The following SIPA1L3 variants were observed in gnomAD, a reference collection of about 807,000 sequenced individuals.
SIPA1L3 encodes the protein signal induced proliferation associated 1 like 3, also known as signal-induced proliferation-associated 1-like protein 3.
SIPA1L3 carries 59 observed loss-of-function variants against 150.1 expected under a neutral mutation model. The observed-to-expected ratio is 0.39, with a 90% confidence interval of 0.32 to 0.49. SIPA1L3 has a LOEUF of 0.49. Ranked by LOEUF, SIPA1L3 falls within the 20% of genes least tolerant of loss-of-function variation. SIPA1L3 has a pLI of 0.86. For synonymous variants in SIPA1L3, 1,070 were observed against 1,077.6 expected (o/e 0.99, Z 0.14); for missense variants, 2,211 against 2,489.5 (o/e 0.89, Z 2.38).
At chr19:38,030,746 T>G (rs1343475385) in intron 2 of SIPA1L3, among the ~76,000 whole-genome samples, 1 of 151,874 alleles carries the variant, frequency 6.6e-6, no homozygotes, top group African/African-American at 2.4e-5. Context: ...CATTCTCTCT[T>G]GTTTCTGTGG....
intron 1 of SIPA1L3, among the ~76,000 whole-genome samples, chr19:37,923,169 T>A (rs534828469): frequency 6.6e-4 from 99 of 149,216 alleles, no homozygotes; most frequent in Middle Eastern, 3.6e-3. Context: ...ACACGCACCG[T>A]GTCAGTTGGT....
At chr19:37,959,464 G>A (rs1400714768) in intron 1 of SIPA1L3, among the ~76,000 whole-genome samples, 1 of 152,192 alleles carries the variant, frequency 6.6e-6, no homozygotes, top group Non-Finnish European at 1.5e-5. Flanking sequence ...AATGTTCAGA[G>A]TAAGCAAATC....
intron 1 of SIPA1L3, among the ~76,000 whole-genome samples, chr19:37,927,459 G>T (rs1299604195): frequency 1.3e-5 from 2 of 151,830 alleles, no homozygotes; most frequent in African/African-American, 4.8e-5. Flanking sequence ...GCCCCCAGTA[G>T]GTAGATTTTC....
At chr19:38,041,433 C>T (rs1968919364) in intron 2 of SIPA1L3, among the ~76,000 whole-genome samples, 1 of 152,124 alleles carries the variant, frequency 6.6e-6, no homozygotes, top group African/African-American at 2.4e-5. Flanking sequence ...CGCACGCTAC[C>T]ATGCCCAGCT....
rs147169743 is a variant in SIPA1L3, at chr19:38,034,429, C to G, written c.-311+5273C>G. Among the ~76,000 whole-genome samples the G allele has an allele frequency of 5.9e-3, 889 of 150,494 alleles. 7 individuals are homozygous for G. Among genetic ancestry groups the G allele is most frequent in the African/African-American group, 0.021 (850 of 40,926 alleles). ...AGGCACGAGTGGTGAAGCTGCCTGC[C>G]AGGTAGAGGAGCTGGGACAGGGAGG... is the stretch of plus-strand genomic sequence containing the variant. On this transcript the variant is annotated intron_variant, in intron 2 of 21. Transcript: ENST00000222345.
At chr19:37,997,566 A>AT (rs1428715621) in intron 1 of SIPA1L3, among the ~76,000 whole-genome samples, 1 of 41,088 alleles carries the variant, frequency 2.4e-5, no homozygotes, top group Non-Finnish European at 4.4e-5. Context: ...AGACTGTCTC[A>AT]TTAAAAAAAA....
At chr19:38,182,096 G>A (rs1032489289) in intron 15 of SIPA1L3, among the ~76,000 whole-genome samples, 16 of 144,440 alleles carry the variant, frequency 1.1e-4, no homozygotes, top group Non-Finnish European at 2.2e-4. Context: ...AGCTGAGATC[G>A]CGCCACTGCA....
chr19:38,116,747 C>G (rs1223808964), intron 8 of SIPA1L3, among the ~76,000 whole-genome samples: 1 of 151,834 alleles, frequency 6.6e-6, no homozygotes, highest in Non-Finnish European at 1.5e-5. Flanking sequence ...CCAGTTACCC[C>G]AGAGACTGAG....
intron 15 of SIPA1L3, 147 bp from the exon 16 acceptor site, chr19:38,182,372 G>C (rs1030891110): frequency 1.5e-6 from 1 of 666,540 alleles, no homozygotes; most frequent in Non-Finnish European, 2.6e-6. Flanking sequence ...CGTCTATACT[G>C]TTGGAATTTT....
intron 15 of SIPA1L3, among the ~76,000 whole-genome samples, chr19:38,178,093 GTGTGTGT>G (rs1568594709): frequency 0.041 from 2,499 of 61,194 alleles, 46 homozygotes; most frequent in East Asian, 0.18. Context: ...TTTGGTGTGT[GTGTGTGT>G]GTGTGTGTGT....
chr19:37,980,859 G>A (rs1055655236), intron 1 of SIPA1L3, among the ~76,000 whole-genome samples: 2 of 152,326 alleles, frequency 1.3e-5, no homozygotes, highest in South Asian at 2.1e-4. Flanking sequence ...TGTGAGCTGC[G>A]CTCAAGAAGT....
intron 13 of SIPA1L3, 74 bp downstream of exon 13, chr19:38,153,041 G>C: frequency 6.5e-7 from 1 of 1,530,708 alleles, no homozygotes; most frequent in East Asian, 2.3e-5. Flanking sequence ...AGCTTGACAG[G>C]CAACACTCCC....
chr19:37,987,676 G>A (rs998239538), intron 1 of SIPA1L3, among the ~76,000 whole-genome samples: 6 of 152,198 alleles, frequency 3.9e-5, no homozygotes, highest in African/African-American at 1.4e-4. Flanking sequence ...GGACCCCCTA[G>A]GCCAGCTGGT....
At chr19:38,003,267 C>T (rs1967854322) in intron 1 of SIPA1L3, among the ~76,000 whole-genome samples, 1 of 152,152 alleles carries the variant, frequency 6.6e-6, no homozygotes, top group Non-Finnish European at 1.5e-5. Context: ...GAGCCCACAG[C>T]CAGGGAGAAA....
In SIPA1L3 at chr19:38,055,954, C is replaced by T. The variant is rs555725257; in HGVS notation, c.-310-25302C>T. 2.0e-5 allele frequency among the ~76,000 whole-genome samples: 3 copies of T among 152,326 alleles called. No individual in the cohort carries two copies. In the South Asian group the frequency reaches 6.2e-4, roughly 32 times the overall value. On this transcript the variant is annotated intron_variant, in intron 2 of 21. Coordinates refer to ENST00000222345, the MANE Select transcript of SIPA1L3 (RefSeq NM_015073.3). ...TCAAGTGGAGCCCAGCCGAACTAGC[C>T]GATTGACTGCCAGAGCCCAAACATA...
intron 6 of SIPA1L3, chr19:38,106,306 C>A (rs1970622156): frequency 1.0e-5 from 4 of 398,614 alleles, no homozygotes; most frequent in Non-Finnish European, 1.9e-5. Flanking sequence ...GGGGTTTCAC[C>A]ATGTTGGCCA....
At chr19:37,936,959 A>G (rs1412991892) in intron 1 of SIPA1L3, among the ~76,000 whole-genome samples, 1 of 152,160 alleles carries the variant, frequency 6.6e-6, no homozygotes, top group South Asian at 2.1e-4. Context: ...TAAATGCATT[A>G]ATTTTTAAAA....
At chr19:37,952,308 T>C (rs575653630) in intron 1 of SIPA1L3, among the ~76,000 whole-genome samples, 1 of 152,320 alleles carries the variant, frequency 6.6e-6, no homozygotes, top group Non-Finnish European at 1.5e-5. Context: ...ATTGGGTCTC[T>C]GCCACTTGCA....
intron 2 of SIPA1L3, among the ~76,000 whole-genome samples, chr19:38,050,014 G>A (rs1004890938): frequency 3.9e-5 from 6 of 152,176 alleles, no homozygotes; most frequent in African/African-American, 7.2e-5. Flanking sequence ...GGTGACCTGC[G>A]TTTGAATCCT....
Sources: allele counts gnomAD v4.1 joint callset (sites outside exome capture counted in the v4.1 genomes callset), GRCh38; gene constraint gnomAD v4.1.1; transcripts MANE v1.5; gene names NCBI Gene and HGNC (gene_info 2026-07-23, HGNC 2026-07-21).